STAT4: variants seen among roughly 807,000 people sequenced by gnomAD.
STAT4 encodes the protein signal transducer and activator of transcription 4.
In STAT4, 42 loss-of-function variants were observed where a neutral mutation model predicts 110.5. The ratio of observed to expected loss-of-function variants is 0.38; its 90% CI spans 0.30 to 0.49. STAT4 has a LOEUF of 0.49. Among genes scored for constraint, STAT4 ranks in the 20% least tolerant of loss-of-function variants. The pLI, the probability that STAT4 is intolerant of heterozygous loss-of-function variation, is 0.95. For synonymous variants in STAT4, 284 were observed against 302.2 expected (o/e 0.94, Z 0.63); for missense variants, 632 against 887.9 (o/e 0.71, Z 3.66).
At chr2:191,126,011 C>T (rs1398049090) in intron 3 of STAT4, among the ~76,000 whole-genome samples, 1 of 152,126 alleles carries the variant, frequency 6.6e-6, no homozygotes, top group Non-Finnish European at 1.5e-5. Context: ...CTGTTCAATG[C>T]CTACAAATTA....
chr2:191,089,800 G>A (rs902622993), intron 3 of STAT4, among the ~76,000 whole-genome samples: 4 of 152,188 alleles, frequency 2.6e-5, no homozygotes, highest in East Asian at 3.8e-4. Flanking sequence ...AGCAGCCAAC[G>A]TGAAAAGGCT....
chr2:191,134,967 A>C (rs902951869), intron 3 of STAT4, among the ~76,000 whole-genome samples: 3 of 152,144 alleles, frequency 2.0e-5, no homozygotes, highest in Non-Finnish European at 4.4e-5. Flanking sequence ...AAAAAGATAA[A>C]AAAGTCAAAT....
chr2:191,060,769 T>C lies in STAT4; in HGVS notation c.1034+960A>G, dbSNP rs1475898932. Among the ~76,000 whole-genome samples the C allele has an allele frequency of 6.6e-6, 1 of 152,236 alleles. No homozygotes were observed. The highest frequency in any genetic ancestry group is 1.9e-4 in the East Asian group (1 of 5,204). ...GGCCTCTGCCTTTTGTTTTCAGTTCTTAAATCTTGGTGCAAAATTCATACA... is the reference window on the plus strand; with the variant it reads ...GGCCTCTGCCTTTTGTTTTCAGTTCCTAAATCTTGGTGCAAAATTCATACA... On this transcript the variant is annotated intron_variant, in intron 10 of 23. Transcript: ENST00000392320. The surrounding 1 kb of genome is among the most constrained non-coding windows in gnomAD (Gnocchi z 4.5).
intron 3 of STAT4, among the ~76,000 whole-genome samples, chr2:191,096,334 C>T (rs1574151176): frequency 6.6e-6 from 1 of 152,132 alleles, no homozygotes; most frequent in East Asian, 1.9e-4. Context: ...AATTTTAGAC[C>T]AATATTTCTG....
At chr2:191,108,729 G>C (rs77542185) in intron 3 of STAT4, among the ~76,000 whole-genome samples, 1 of 152,220 alleles carries the variant, frequency 6.6e-6, no homozygotes, top group African/African-American at 2.4e-5. Context: ...CTCTGGGACC[G>C]TGATTCTGTG....
intron 3 of STAT4, among the ~76,000 whole-genome samples, chr2:191,102,708 A>C (rs1441342452): frequency 3.3e-5 from 5 of 152,186 alleles, no homozygotes; most frequent in Non-Finnish European, 5.9e-5. Context: ...TTTCCATGTC[A>C]AGATAAGGCA....
At chr2:191,130,209 A>G (rs1298035262) in intron 3 of STAT4, among the ~76,000 whole-genome samples, 2 of 124,636 alleles carry the variant, frequency 1.6e-5, no homozygotes, top group East Asian at 5.5e-4. Flanking sequence ...TTTGGCTTTC[A>G]GTCTATCTCC....
At chr2:191,054,791 G>A (rs1344479869) in intron 13 of STAT4, among the ~76,000 whole-genome samples, 1 of 152,080 alleles carries the variant, frequency 6.6e-6, no homozygotes, top group Non-Finnish European at 1.5e-5. Flanking sequence ...CAACATTTTC[G>A]AAAAAGGAAA....
rs1327076607 is a variant in STAT4, at chr2:191,143,157, AT to A, written c.273+3455del. ...CTACTCTTAAAAATAAACTGCACTA[AT>A]TTTTTTAAGGTCCATTAATTTTCTT... On this transcript the variant is annotated intron_variant, in intron 3 of 23. Transcript: ENST00000392320. This position sits in a 1 kb window ranked among gnomAD's most constrained non-coding sequence, Gnocchi z 5.6. Among the ~76,000 whole-genome samples the A allele has an allele frequency of 2.0e-5, 3 of 152,098 alleles. No individual in the cohort carries two copies. The highest frequency in any genetic ancestry group is 4.4e-5 in the Non-Finnish European group (3 of 68,028).
At position 191,137,768 on chromosome 2, in the gene STAT4, A is replaced by C. The variant is rs149009368; in HGVS notation, c.273+8845T>G. On this transcript the variant is annotated intron_variant, in intron 3 of 23. Coordinates refer to ENST00000392320, the MANE Select transcript of STAT4 (RefSeq NM_003151.4). Reference sequence around the variant, plus strand: ...AGGTGCCAGGAACCTACACTCGGGCAAAAACATCCTCTTCAATAAATCGTG... The same window carrying C: ...AGGTGCCAGGAACCTACACTCGGGCCAAAACATCCTCTTCAATAAATCGTG... Among the ~76,000 whole-genome samples the C allele has an allele frequency of 5.7e-3, 875 of 152,288 alleles. 3 individuals carry two copies. The highest frequency in any genetic ancestry group is 9.3e-3 in the Admixed American group (142 of 15,300).
At chr2:191,132,130 T>C (rs1030047134) in intron 3 of STAT4, among the ~76,000 whole-genome samples, 1 of 151,762 alleles carries the variant, frequency 6.6e-6, no homozygotes, top group Non-Finnish European at 1.5e-5. Flanking sequence ...AGAGCTTATA[T>C]TCAGTGGGTA....
intron 3 of STAT4, among the ~76,000 whole-genome samples, chr2:191,114,875 T>C (rs1698531238): frequency 1.3e-5 from 2 of 152,176 alleles, no homozygotes; most frequent in African/African-American, 2.4e-5. Context: ...TGGGAAGGTA[T>C]GTTCCTACCC....
chr2:191,102,009 C>CTTTTTT (rs35442023), intron 3 of STAT4, among the ~76,000 whole-genome samples: 1 of 141,158 alleles, frequency 7.1e-6, no homozygotes, highest in African/African-American at 2.6e-5. Flanking sequence ...TTTGCCCAAC[C>CTTTTTT]TTTTTTTTTT....
rs147894714 is a variant in STAT4 at position 191,079,235 on chromosome 2, T to TCACACACACACACACACA, written c.274-2911_274-2910insTGTGTGTGTGTGTGTGTG. Among the ~76,000 whole-genome samples the TCACACACACACACACACA allele has an allele frequency of 6.3e-3, 955 of 151,170 alleles. 8 individuals are homozygous for TCACACACACACACACACA. Among genetic ancestry groups the TCACACACACACACACACA allele is most frequent in the African/African-American group, 0.019 (798 of 41,304 alleles). On this transcript the variant is annotated intron_variant, in intron 3 of 23. Transcript: ENST00000392320. ...TACATTTTAGAATCAACTTGTCAAG[T>TCACACACACACACACACA]CACGCACACACACATATGCACACCC... is the stretch of plus-strand genomic sequence containing the variant.
intron 3 of STAT4, among the ~76,000 whole-genome samples, chr2:191,120,232 C>T (rs191169677): frequency 7.9e-5 from 12 of 152,202 alleles, no homozygotes; most frequent in African/African-American, 2.9e-4. Context: ...CATCAAAAGA[C>T]ACCATGTAGA....
Position 191,061,687 on chromosome 2 carries a change from GCT to G in STAT4, c.1034+40_1034+41del. The G allele has an allele frequency of 2.5e-6, 4 of 1,569,506 alleles. No homozygotes were observed. The highest frequency in any genetic ancestry group is 3.5e-6 in the Non-Finnish European group (4 of 1,139,490). ...TGGCCTTGATCATCCAGAGACTATA[GCT>G]CCACAAACACACGAAATAGTAGAAA... On this transcript the variant is annotated intron_variant, in intron 10 of 23. Transcript: ENST00000392320. The surrounding 1 kb of genome is among the most constrained non-coding windows in gnomAD (Gnocchi z 6.2).
rs145312304 is a variant in STAT4 at position 191,041,110 on chromosome 2, C to T, written c.1290G>A (p.Thr430=). ...CATAGAGGCAGATCTGTGTTTCAAA[C>T]GTTATGGAATGAAGTTCTTCAGTCA... ...HMVTEELHSI[T]FETQICLYGL... The change falls in exon 15 of 24, where the codon ACG becomes ACA. Residue 430 remains threonine (T), a synonymous_variant. Transcript: ENST00000392320. 1.7e-5 allele frequency: 26 copies of T among 1,489,472 alleles called. No homozygotes were observed. The African/African-American group carries it at 2.7e-4, about 16-fold the overall frequency. 92.3% of individuals were successfully genotyped at this position (1,489,472 alleles called of 1,614,324 possible).
In STAT4 at chr2:191,062,827, G is replaced by A. The variant is rs374707313; in HGVS notation, c.876C>T (p.Pro292=). ...QSTKMTYEGD[P]IPMQRTHMLE... ...GCATGTGAGTTCTTTGCATTGGAAT[G>A]GGATCACCTTCATATGTCATTTTGG... Residue 292 remains proline (P), a synonymous_variant, in exon 9 of 24, where the codon CCC becomes CCT. Transcript: ENST00000392320. This position sits in a 1 kb window ranked among gnomAD's most constrained non-coding sequence, Gnocchi z 4.9. The A allele has an allele frequency of 3.1e-6, 5 of 1,613,816 alleles. No homozygotes were observed. The African/African-American group carries it at 5.3e-5, about 17-fold the overall frequency.
chr2:191,073,205 T>A lies in STAT4; in HGVS notation c.373-15A>T, dbSNP rs766379017. The A allele has an allele frequency of 6.2e-7, 1 of 1,608,528 alleles. No individual in the cohort carries two copies. The highest frequency in any genetic ancestry group is 8.5e-7 in the Non-Finnish European group (1 of 1,175,168). ...TCTAGAGGCCCCTGGAAAAAGAATGTCTTGAAATCTCTCTGGTTTTGAAAA... is the reference window on the plus strand; with the variant it reads ...TCTAGAGGCCCCTGGAAAAAGAATGACTTGAAATCTCTCTGGTTTTGAAAA... On this transcript the variant is annotated splice_polypyrimidine_tract_variant and intron_variant, in intron 4 of 23. Transcript: ENST00000392320.
Sources: gnomAD v4.1 joint callset for allele counts (sites outside exome capture counted in the v4.1 genomes callset) on GRCh38, gnomAD v4.1.1 for gene constraint, Gnocchi (gnomAD v3.1) non-coding constraint, MANE v1.5 for transcripts, NCBI Gene and HGNC (gene_info 2026-07-23, HGNC 2026-07-21) for gene names.